UNC13C: variants seen among roughly 807,000 people sequenced by gnomAD.
The protein encoded by UNC13C is protein unc-13 homolog C.
A neutral mutation model predicts 245.4 loss-of-function variants in UNC13C; 174 were observed. That is an observed-to-expected ratio of 0.71 (90% CI 0.63 to 0.80). UNC13C has a LOEUF of 0.80. Among genes scored for constraint, UNC13C ranks in the 30% least tolerant of loss-of-function variants. The pLI is 0.00. For synonymous variants in UNC13C, 992 were observed against 895.1 expected, an observed-to-expected ratio of 1.11 and a Z score of -1.93; for missense variants, 2,829 against 2,602.9, an observed-to-expected ratio of 1.09 and a Z score of -1.89.
At chr15:53,870,575 T>C in the UNC13C span, among the ~76,000 whole-genome samples, 1 of 152,062 alleles carries the variant, frequency 6.6e-6, no homozygotes, top group Non-Finnish European at 1.5e-5. Flanking sequence ...ATAAGAAAAA[T>C]GCACTTCTGT....
intron 10 of UNC13C, among the ~76,000 whole-genome samples, chr15:54,284,145 C>A (rs996998640): frequency 6.6e-6 from 1 of 152,108 alleles, no homozygotes; most frequent in Non-Finnish European, 1.5e-5. Flanking sequence ...TTAGAAAGAA[C>A]ACATATCGCC....
At chr15:54,131,687 C>T (rs1223150598) in intron 2 of UNC13C, among the ~76,000 whole-genome samples, 1 of 152,142 alleles carries the variant, frequency 6.6e-6, no homozygotes, top group East Asian at 1.9e-4. Flanking sequence ...ATCCTTGGTT[C>T]TAGTCATGCA....
Position 54,589,586 on chromosome 15 carries a change from C to T in UNC13C, c.6106+21639C>T, listed in dbSNP as rs996336434. ...TGCTGGGATTACAGGCATGAGCCAC[C>T]GCGCCCAGCCAGCCATTTGTGTATC... On this transcript the variant is annotated intron_variant, in intron 30 of 32. Coordinates refer to ENST00000260323, the MANE Select transcript of UNC13C (RefSeq NM_001080534.3). Among the ~76,000 whole-genome samples, 68 of 152,156 alleles carry T rather than the reference C, an allele frequency of 4.5e-4. 1 individual carries two copies. The highest frequency in any genetic ancestry group is 1.9e-3 in the South Asian group (9 of 4,808).
chr15:54,385,237 C>A (rs555181007), intron 17 of UNC13C, among the ~76,000 whole-genome samples: 2 of 152,198 alleles, frequency 1.3e-5, no homozygotes, highest in South Asian at 2.1e-4. Context: ...TTCACCGCTT[C>A]TATTCAACAT....
chr15:53,883,808 T>C, the UNC13C span, among the ~76,000 whole-genome samples: 1 of 152,006 alleles, frequency 6.6e-6, no homozygotes, highest in Admixed American at 6.6e-5. Flanking sequence ...TAACAGTGAG[T>C]TTTTTCTTTC....
Position 54,299,292 on chromosome 15 carries a change from G to C in UNC13C, c.4105-918G>C, listed in dbSNP as rs140483915. Among the ~76,000 whole-genome samples the C allele has an allele frequency of 1.8e-4, 27 of 152,192 alleles. No individual in the cohort carries two copies. The East Asian group carries it at 4.4e-3, about 25-fold the overall frequency. ...ATCAAAGTAGCAGTTGCTAAACTTAGAAGCAAAAAGGAATTGAGAGTAGTA... is the reference window on the plus strand; with the variant it reads ...ATCAAAGTAGCAGTTGCTAAACTTACAAGCAAAAAGGAATTGAGAGTAGTA... On this transcript the variant is annotated intron_variant, in intron 12 of 32. Coordinates refer to ENST00000260323, the MANE Select transcript of UNC13C (RefSeq NM_001080534.3).
intron 30 of UNC13C, among the ~76,000 whole-genome samples, chr15:54,613,135 T>C (rs1272659625): frequency 6.6e-6 from 1 of 151,822 alleles, no homozygotes; most frequent in Non-Finnish European, 1.5e-5. Flanking sequence ...ATTAGAAGAT[T>C]TACTCACTAC....
intron 19 of UNC13C, among the ~76,000 whole-genome samples, chr15:54,439,073 A>G (rs952931168): frequency 6.6e-6 from 1 of 151,946 alleles, no homozygotes; most frequent in Non-Finnish European, 1.5e-5. Flanking sequence ...ATCTTCCCAT[A>G]GAATCCTTCC....
intron 1 of UNC13C, among the ~76,000 whole-genome samples, chr15:53,983,830 C>G (rs1224810626): frequency 6.6e-6 from 1 of 151,862 alleles, no homozygotes; most frequent in Non-Finnish European, 1.5e-5. Flanking sequence ...TCAAGCAGCT[C>G]CTCTTCCTAA....
chr15:54,564,890 T>C (rs1897443155), intron 29 of UNC13C, among the ~76,000 whole-genome samples: 1 of 151,872 alleles, frequency 6.6e-6, no homozygotes, highest in Admixed American at 6.6e-5. Flanking sequence ...AGAATAACAG[T>C]GGAAAACAGT....
the UNC13C span, among the ~76,000 whole-genome samples, chr15:53,909,722 C>T: frequency 6.8e-6 from 1 of 146,422 alleles, no homozygotes; most frequent in African/African-American, 2.4e-5. Flanking sequence ...GGTGACAACC[C>T]CCTTTTAAGC....
rs1260374328 is a variant in UNC13C at position 54,393,145 on chromosome 15, A to C, written c.4811A>C (p.Asp1604Ala). The change falls in exon 18 of 33, where the codon GAT (aspartate) becomes GCT (alanine). Residue 1604 changes from aspartate to alanine, a missense_variant. Coordinates refer to ENST00000260323, the MANE Select transcript of UNC13C (RefSeq NM_001080534.3). Reference sequence around the variant, plus strand: ...ATTACACTGATGGTTACTATTATTGATGAGGATAAAACTGCCTACACACCT... The same window carrying C: ...ATTACACTGATGGTTACTATTATTGCTGAGGATAAAACTGCCTACACACCT... ...QLITLMVTIIDEDKTAYTPVL... is the reference protein window; with the variant it reads ...QLITLMVTIIAEDKTAYTPVL... The C allele has an allele frequency of 1.2e-6, 2 of 1,609,174 alleles. No individual in the cohort carries two copies. Among genetic ancestry groups the C allele is most frequent in the South Asian group, 1.1e-5 (1 of 90,402 alleles).
At chr15:54,587,707 T>A (rs911630486) in intron 30 of UNC13C, among the ~76,000 whole-genome samples, 1 of 152,164 alleles carries the variant, frequency 6.6e-6, no homozygotes, top group Non-Finnish European at 1.5e-5. Flanking sequence ...CAGGTGAGAA[T>A]GAGCCTCCAC....
chr15:53,884,690 T>C, the UNC13C span, among the ~76,000 whole-genome samples: 20 of 152,274 alleles, frequency 1.3e-4, no homozygotes, highest in South Asian at 3.7e-3. Flanking sequence ...TTTGAATATA[T>C]TGAGTGAGTG....
At chr15:54,258,967 T>A (rs2036352010) in intron 8 of UNC13C, among the ~76,000 whole-genome samples, 1 of 152,180 alleles carries the variant, frequency 6.6e-6, no homozygotes, top group African/African-American at 2.4e-5. Flanking sequence ...GTTCTGAAGG[T>A]AGAAAGCCCA....
intron 2 of UNC13C, among the ~76,000 whole-genome samples, chr15:54,118,735 C>T (rs1021612851): frequency 2.1e-4 from 32 of 151,942 alleles, no homozygotes; most frequent in African/African-American, 9.7e-5. Context: ...TTTGAGGAAA[C>T]GCTTTTAATT....
At chr15:54,115,702 T>C (rs997662292) in intron 2 of UNC13C, among the ~76,000 whole-genome samples, 10 of 152,298 alleles carry the variant, frequency 6.6e-5, no homozygotes, top group African/African-American at 2.4e-4. Flanking sequence ...CAATCATAGT[T>C]TGCTCAAGGA....
Position 54,197,559 on chromosome 15 carries a change from C to A in UNC13C, c.3072-37471C>A, listed in dbSNP as rs573358468. On this transcript the variant is annotated intron_variant, in intron 4 of 32. Transcript: ENST00000260323. ...TTGCATGATTACATTTTAAGCACAT[C>A]TCTGTAAGGAGGCTTTGAGAATAAT... is the stretch of plus-strand genomic sequence containing the variant. Among the ~76,000 whole-genome samples, 11 of 152,196 alleles carry A rather than the reference C, an allele frequency of 7.2e-5. No homozygotes were observed. In the East Asian group the frequency reaches 1.2e-3, roughly 16 times the overall value.
At chr15:54,552,316 G>A (rs1391702193) in intron 28 of UNC13C, among the ~76,000 whole-genome samples, 1 of 119,896 alleles carries the variant, frequency 8.3e-6, no homozygotes, top group Non-Finnish European at 1.6e-5. Flanking sequence ...AATATATAAT[G>A]TAATATATAA....
Sources: gnomAD v4.1 joint callset for allele counts (sites outside exome capture counted in the v4.1 genomes callset) on GRCh38, gnomAD v4.1.1 for gene constraint, MANE v1.5 for transcripts, NCBI Gene and HGNC (gene_info 2026-07-23, HGNC 2026-07-21) for gene names.